The following CNTN5 variants were observed in gnomAD, a reference collection of about 807,000 sequenced individuals.
The protein encoded by CNTN5 is contactin-5.
CNTN5 carries 77 observed loss-of-function variants against 129.1 expected under a neutral mutation model. That is an observed-to-expected ratio of 0.60 (90% CI 0.50 to 0.72). The LOEUF (loss-of-function observed/expected upper bound fraction) is 0.72, where lower values mean the gene tolerates loss of function less well. CNTN5 is among the 30% of genes least tolerant of loss of function. CNTN5 has a pLI of 0.00. For synonymous variants in CNTN5, 509 were observed against 465.6 expected (o/e 1.09, Z -1.20); for missense variants, 1,478 against 1,328.8 (o/e 1.11, Z -1.75).
At chr11:99,596,570 G>A (rs901348057) in intron 3 of CNTN5, among the ~76,000 whole-genome samples, 1 of 152,148 alleles carries the variant, frequency 6.6e-6, no homozygotes, top group Non-Finnish European at 1.5e-5. Flanking sequence ...TTATCTTAAA[G>A]AAATGTTTTC....
At chr11:100,307,747 G>T in intron 20 of CNTN5, among the ~76,000 whole-genome samples, 1 of 151,544 alleles carries the variant, frequency 6.6e-6, no homozygotes, top group East Asian at 1.9e-4. Flanking sequence ...TAGATACACA[G>T]AATAAAAATT....
chr11:99,753,974 C>T (rs1175769033), intron 3 of CNTN5, among the ~76,000 whole-genome samples: 10 of 137,786 alleles, frequency 7.3e-5, no homozygotes, highest in African/African-American at 2.6e-4. Context: ...AGGCCTGAGC[C>T]ACGGCACCCT....
At chr11:100,248,471 A>G (rs1385430822) in intron 16 of CNTN5, among the ~76,000 whole-genome samples, 6 of 152,054 alleles carry the variant, frequency 3.9e-5, no homozygotes, top group Non-Finnish European at 1.5e-5. Context: ...GCTTGAGTCC[A>G]GGAGGTCAAA....
At chr11:100,223,762 AG>A (rs1486448367) in intron 15 of CNTN5, among the ~76,000 whole-genome samples, 1 of 152,172 alleles carries the variant, frequency 6.6e-6, no homozygotes, top group Non-Finnish European at 1.5e-5. Context: ...TGGAAACTGA[AG>A]GGAATATTGG....
At chr11:99,823,672 G>T (rs1266915089) in intron 4 of CNTN5, among the ~76,000 whole-genome samples, 2 of 151,978 alleles carry the variant, frequency 1.3e-5, no homozygotes, top group Non-Finnish European at 2.9e-5. Flanking sequence ...TCATGAAAGT[G>T]TCTTGTGACT....
chr11:99,051,504 A>G (rs1329475359), intron 1 of CNTN5, among the ~76,000 whole-genome samples: 1 of 151,980 alleles, frequency 6.6e-6, no homozygotes, highest in Non-Finnish European at 1.5e-5. Flanking sequence ...AAAAATCACC[A>G]AGGGGACTTC....
intron 3 of CNTN5, among the ~76,000 whole-genome samples, chr11:99,706,073 G>A (rs532924659): frequency 7.3e-5 from 11 of 151,342 alleles, no homozygotes; most frequent in African/African-American, 2.2e-4. Context: ...TGGCTTATGG[G>A]GATTAACATA....
chr11:99,349,895 A>G (rs1938168862), intron 2 of CNTN5, among the ~76,000 whole-genome samples: 1 of 152,218 alleles, frequency 6.6e-6, no homozygotes, highest in Non-Finnish European at 1.5e-5. Flanking sequence ...GAAAGAAGAT[A>G]TTCTAATGTG....
At chr11:99,628,190 CATT>C (rs1296146665) in intron 3 of CNTN5, among the ~76,000 whole-genome samples, 1 of 151,872 alleles carries the variant, frequency 6.6e-6, no homozygotes, top group Admixed American at 6.6e-5. Context: ...AATTTATCAT[CATT>C]ATCACTCACA....
intron 3 of CNTN5, among the ~76,000 whole-genome samples, chr11:99,814,481 T>A (rs930777548): frequency 1.3e-5 from 2 of 152,182 alleles, no homozygotes; most frequent in Non-Finnish European, 2.9e-5. Flanking sequence ...AAGTCAGTTA[T>A]CACACATTGA....
chr11:99,683,551 T>G (rs541595105), intron 3 of CNTN5, among the ~76,000 whole-genome samples: 1 of 151,930 alleles, frequency 6.6e-6, no homozygotes, highest in African/African-American at 2.4e-5. Context: ...TTATAATAAA[T>G]CTTTTTACTT....
chr11:99,111,728 T>G (rs1339234372), intron 1 of CNTN5, among the ~76,000 whole-genome samples: 2 of 152,004 alleles, frequency 1.3e-5, no homozygotes, highest in Non-Finnish European at 2.9e-5. Flanking sequence ...TTATACAGTT[T>G]GGGATAAAAT....
rs148758602 is a variant in CNTN5 at position 99,254,143 on chromosome 11, A to T, written c.-209-71203A>T. Among the ~76,000 whole-genome samples, 1,029 of 152,000 alleles carry T rather than the reference A, an allele frequency of 6.8e-3. 11 individuals are homozygous for T. The highest frequency in any genetic ancestry group is 0.023 in the African/African-American group (965 of 41,516). ...TATTAAATTAATGCTATATTAGATC[A>T]TACAAAGAAAGAATTATGGTGGACT... On this transcript the variant is annotated intron_variant, in intron 1 of 24. Transcript: ENST00000524871.
At chr11:99,196,776 A>G (rs935645120) in intron 1 of CNTN5, among the ~76,000 whole-genome samples, 30 of 151,716 alleles carry the variant, frequency 2.0e-4, no homozygotes, top group African/African-American at 6.8e-4. Context: ...TCCTTTAAAA[A>G]GAAAAACAAA....
At chr11:99,810,048 TG>T (rs1946384389) in intron 3 of CNTN5, among the ~76,000 whole-genome samples, 1 of 152,136 alleles carries the variant, frequency 6.6e-6, no homozygotes, top group African/African-American at 2.4e-5. Context: ...ATTATGCTCT[TG>T]GTGATTTAAA....
At chr11:99,102,347 T>C (rs1305551445) in intron 1 of CNTN5, among the ~76,000 whole-genome samples, 4 of 152,216 alleles carry the variant, frequency 2.6e-5, no homozygotes, top group African/African-American at 9.6e-5. Flanking sequence ...TCATTACTTA[T>C]GCAAATTTCT....
At chr11:99,642,786 G>A (rs1270732880) in intron 3 of CNTN5, among the ~76,000 whole-genome samples, 1 of 152,082 alleles carries the variant, frequency 6.6e-6, no homozygotes, top group Non-Finnish European at 1.5e-5. Context: ...GGTAACCACT[G>A]CTCTACTCTG....
intron 1 of CNTN5, among the ~76,000 whole-genome samples, chr11:99,219,264 T>G (rs2135697346): frequency 6.6e-6 from 1 of 152,070 alleles, no homozygotes; most frequent in South Asian, 2.1e-4. Context: ...ATTTACATAC[T>G]AAATATTAAA....
intron 8 of CNTN5, among the ~76,000 whole-genome samples, chr11:99,960,622 T>G (rs1950917709): frequency 6.6e-6 from 1 of 152,162 alleles, no homozygotes; most frequent in Admixed American, 6.5e-5. Context: ...ATAACATTAA[T>G]AAGAATGCAG....
Sources: allele counts gnomAD v4.1 joint callset (sites outside exome capture counted in the v4.1 genomes callset), GRCh38; gene constraint gnomAD v4.1.1; transcripts MANE v1.5; gene names NCBI Gene and HGNC (gene_info 2026-07-23, HGNC 2026-07-21).